Variants in PWWP2A observed in about 807,000 individuals in gnomAD.
The protein encoded by PWWP2A is PWWP domain containing 2A.
PWWP2A carries 18 observed loss-of-function variants against 48.5 expected under a neutral mutation model. The ratio of observed to expected loss-of-function variants is 0.37; its 90% CI spans 0.26 to 0.55. PWWP2A has a LOEUF of 0.55. Among genes scored for constraint, PWWP2A ranks in the 20% least tolerant of loss-of-function variants. The pLI, the probability that PWWP2A is intolerant of heterozygous loss-of-function variation, is 0.81. For missense variants in PWWP2A, 867 were observed against 976.4 expected, an observed-to-expected ratio of 0.89 and a Z score of 1.49; for synonymous variants, 396 against 387.7, an observed-to-expected ratio of 1.02 and a Z score of -0.25.
At chr5:160,052,998 A>G in the PWWP2A span, among the ~76,000 whole-genome samples, 2 of 152,236 alleles carry the variant, frequency 1.3e-5, no homozygotes, top group Admixed American at 6.5e-5. Flanking sequence ...TATAAAAATC[A>G]TGAATAAGAT....
chr5:160,063,911 G>A (rs1753512509), intron 4 of PWWP2A, among the ~76,000 whole-genome samples: 1 of 151,324 alleles, frequency 6.6e-6, no homozygotes, highest in Non-Finnish European at 1.5e-5. Flanking sequence ...CAAAGTGCTG[G>A]GAATACAGGC....
At chr5:160,082,680 C>T (rs1754331428) in intron 2 of PWWP2A, among the ~76,000 whole-genome samples, 1 of 152,210 alleles carries the variant, frequency 6.6e-6, no homozygotes, top group African/African-American at 2.4e-5. Flanking sequence ...GTCTTTTGTG[C>T]TAATGTTTAA....
the PWWP2A span, among the ~76,000 whole-genome samples, chr5:160,053,550 T>TGA: frequency 2.0e-5 from 3 of 152,064 alleles, no homozygotes; most frequent in Non-Finnish European, 2.9e-5. Context: ...GGTGACAGAG[T>TGA]GAGACCTTGT....
chr5:160,068,164 G>A (rs1163238927), intron 2 of PWWP2A, among the ~76,000 whole-genome samples: 1 of 152,022 alleles, frequency 6.6e-6, no homozygotes, highest in Non-Finnish European at 1.5e-5. Flanking sequence ...CTAGGTGACA[G>A]AGCAAGCCTC....
At chr5:160,045,486 A>T in the PWWP2A span, among the ~76,000 whole-genome samples, 1 of 119,976 alleles carries the variant, frequency 8.3e-6, no homozygotes, top group Non-Finnish European at 1.7e-5. Context: ...ACACACACAC[A>T]CACACACACA....
At chr5:160,118,726 C>T (rs1758399486) in intron 1 of PWWP2A, 79 bp downstream of exon 1, 2 of 1,303,164 alleles carry the variant, frequency 1.5e-6, no homozygotes, top group South Asian at 2.0e-5. Context: ...AGCGAGGGCT[C>T]GGGGAGAGGG....
At chr5:160,105,473 G>C (rs1418184364) in intron 1 of PWWP2A, among the ~76,000 whole-genome samples, 1 of 151,304 alleles carries the variant, frequency 6.6e-6, no homozygotes, top group Non-Finnish European at 1.5e-5. Flanking sequence ...GGGAGGCAGA[G>C]GTTGCAGGGA....
chr5:160,045,915 G>C, the PWWP2A span, among the ~76,000 whole-genome samples: 3 of 151,850 alleles, frequency 2.0e-5, no homozygotes, highest in Non-Finnish European at 4.4e-5. Context: ...GCTAATTTTT[G>C]TATTTTTGGT....
At chr5:160,074,953 A>AG (rs947930089), downstream of PWWP2A, among the ~76,000 whole-genome samples, 2 of 151,792 alleles carry the variant, frequency 1.3e-5, no homozygotes, top group African/African-American at 4.8e-5. Flanking sequence ...ATTAAAAAAA[A>AG]AAAATCTTTA....
At chr5:160,068,994 ATTTT>A (rs999414785) in intron 2 of PWWP2A, among the ~76,000 whole-genome samples, 2 of 152,088 alleles carry the variant, frequency 1.3e-5, no homozygotes, top group Non-Finnish European at 2.9e-5. Flanking sequence ...CTTACTTGCT[ATTTT>A]TTCTCAGCGG....
intron 1 of PWWP2A, among the ~76,000 whole-genome samples, chr5:160,096,485 A>G (rs571764848): frequency 2.0e-5 from 3 of 152,374 alleles, no homozygotes; most frequent in South Asian, 4.1e-4. Flanking sequence ...CAGAACCAAC[A>G]TAAACAATGT....
chr5:160,084,877 C>A (rs1490246811), intron 2 of PWWP2A, among the ~76,000 whole-genome samples: 1 of 151,872 alleles, frequency 6.6e-6, no homozygotes, highest in African/African-American at 2.4e-5. Flanking sequence ...TAAAAAAATT[C>A]TATCATATTT....
chr5:160,072,327 T>C (rs1753757169), downstream of PWWP2A, among the ~76,000 whole-genome samples: 1 of 152,148 alleles, frequency 6.6e-6, no homozygotes, highest in African/African-American at 2.4e-5. Context: ...GCATGGACTC[T>C]GAAAAAAAGT....
chr5:160,110,157 AT>A (rs1374979785), intron 1 of PWWP2A, among the ~76,000 whole-genome samples: 2 of 150,828 alleles, frequency 1.3e-5, no homozygotes, highest in Admixed American at 1.3e-4. Context: ...AGTAGCTGGG[AT>A]TACAGGCACA....
At chr5:160,050,473 T>A in the PWWP2A span, among the ~76,000 whole-genome samples, 19 of 152,012 alleles carry the variant, frequency 1.2e-4, no homozygotes, top group Non-Finnish European at 1.5e-4. Context: ...CAAATGAATT[T>A]AAAAAAAAGT....
At chr5:160,058,486 G>C (rs569026199), downstream of PWWP2A, among the ~76,000 whole-genome samples, 408 of 149,102 alleles carry the variant, frequency 2.7e-3, 3 homozygotes, top group African/African-American at 9.6e-3. Context: ...TCTCGGCTCA[G>C]TGCAAGCTCC....
Position 160,080,771 on chromosome 5 carries a change from C to G in PWWP2A, c.1550-1G>C. 4 of 1,528,476 alleles carry G rather than the reference C, an allele frequency of 2.6e-6. 1 individual carries two copies. In the South Asian group the frequency reaches 5.0e-5, roughly 19 times the overall value. 94.7% of individuals were successfully genotyped at this position (1,528,476 alleles called of 1,614,324 possible). ...TGTAATAGCTGCCATTTGTTGAGACCTATGGTAGAAAAAACCAAGTTAACA... is the reference window on the plus strand; with the variant it reads ...TGTAATAGCTGCCATTTGTTGAGACGTATGGTAGAAAAAACCAAGTTAACA... On this transcript the variant is annotated splice_acceptor_variant, in intron 2 of 3. Transcript: ENST00000456329. LOFTEE classifies it high-confidence loss of function.
intron 3 of PWWP2A, among the ~76,000 whole-genome samples, chr5:160,080,408 C>T (rs1168142626): frequency 1.3e-5 from 2 of 152,184 alleles, no homozygotes; most frequent in African/African-American, 4.8e-5. Context: ...AGAATCTGCT[C>T]TCAATTCACA....
chr5:160,058,837 T>A (rs1752828804), downstream of PWWP2A, among the ~76,000 whole-genome samples: 1 of 152,216 alleles, frequency 6.6e-6, no homozygotes. Flanking sequence ...ATCTCAGAGC[T>A]CCTCAGTGAC....
Sources: gnomAD v4.1 joint callset for allele counts (sites outside exome capture counted in the v4.1 genomes callset) on GRCh38, gnomAD v4.1.1 for gene constraint, MANE v1.5 for transcripts, NCBI Gene and HGNC (gene_info 2026-07-23, HGNC 2026-07-21) for gene names.